The following ZFYVE16 variants were observed in gnomAD, a reference collection of about 807,000 sequenced individuals.
ZFYVE16 encodes the protein zinc finger FYVE domain-containing protein 16.
In ZFYVE16, 89 loss-of-function variants were observed where a neutral mutation model predicts 138.1. That is an observed-to-expected ratio of 0.64 (90% confidence interval 0.54 to 0.77). ZFYVE16 has a LOEUF of 0.77. ZFYVE16 is among the 30% of genes least tolerant of loss of function. The pLI is 0.00. For synonymous variants in ZFYVE16, 596 were observed against 618.3 expected (o/e 0.96, Z 0.53); for missense variants, 1,793 against 1,786.7 (o/e 1.00, Z -0.06).
rs1439267709 is a variant in ZFYVE16 at position 80,481,200 on chromosome 5, C to A, written c.*3823C>A. Among the ~76,000 whole-genome samples the A allele has an allele frequency of 1.3e-5, 2 of 152,100 alleles. No individual in the cohort carries two copies. Among genetic ancestry groups the A allele is most frequent in the African/African-American group, 4.8e-5 (2 of 41,392 alleles). ...AAAGAGGTATCACTCTTCTCTTCCC[C>A]CTGGTGCACTAGTGGCAGACATTGC... On this transcript the variant is annotated 3_prime_UTR_variant, in exon 19 of 19. Transcript: ENST00000505560.
chr5:80,417,331 C>T (rs940710082), intron 1 of ZFYVE16, among the ~76,000 whole-genome samples: 2 of 152,104 alleles, frequency 1.3e-5, no homozygotes, highest in Non-Finnish European at 1.5e-5. Context: ...GACTTTTTGT[C>T]GCAGTCTGCA....
intron 2 of ZFYVE16, among the ~76,000 whole-genome samples, chr5:80,427,914 G>A (rs549072457): frequency 2.9e-5 from 4 of 137,036 alleles, no homozygotes; most frequent in African/African-American, 1.1e-4. Flanking sequence ...GGAGGTTGCA[G>A]TGAGCCAAGA....
Position 80,450,421 on chromosome 5 carries a change from A to G in ZFYVE16, c.3227-10A>G, listed in dbSNP as rs1364773625. ...TTGACATTAATAGTTATATTCTTTT[A>G]TCATCTAAGATTCCTCAGACAAATA... On this transcript the variant is annotated splice_polypyrimidine_tract_variant and intron_variant, in intron 9 of 18. Coordinates refer to ENST00000505560, the MANE Select transcript of ZFYVE16 (RefSeq NM_001284236.3). 1.2e-6 allele frequency: 2 copies of G among 1,611,184 alleles called. No individual in the cohort carries two copies. The highest frequency in any genetic ancestry group is 4.5e-5 in the East Asian group (2 of 44,728).
chr5:80,458,474 T>C (rs963629612), intron 14 of ZFYVE16, among the ~76,000 whole-genome samples: 14 of 152,224 alleles, frequency 9.2e-5, no homozygotes, highest in Admixed American at 2.0e-4. Context: ...CAAGTCATAA[T>C]ATTTGCTCCA....
rs1022769624 is a variant in ZFYVE16, at chr5:80,445,392, C to G, written c.2711C>G (p.Pro904Arg). The G allele has an allele frequency of 1.2e-6, 2 of 1,612,558 alleles. No individual in the cohort carries two copies. Among genetic ancestry groups the G allele is most frequent in the African/African-American group, 2.7e-5 (2 of 74,796 alleles). The change falls in exon 7 of 19, where the codon CCT (proline) becomes CGT (arginine). Residue 904 changes from proline to arginine, a missense_variant. By Grantham distance (103) the Pro-to-Arg change is moderately radical. Coordinates refer to ENST00000505560, the MANE Select transcript of ZFYVE16 (RefSeq NM_001284236.3). ...RCSEDFSPLS[P>R]DVPMTVNTVD... ...TCTGAAGACTTTAGTCCTCTCTCAC[C>G]TGATGTGCCTATGGTAAGGAATTCA...
chr5:80,441,410 C>A (rs1050217803), intron 5 of ZFYVE16: 1 of 985,102 alleles, frequency 1.0e-6, no homozygotes, highest in Non-Finnish European at 1.2e-6. Context: ...TGTTCAAATT[C>A]TATTTTGATG....
chr5:80,411,789 C>G (rs1745494155), intron 1 of ZFYVE16: 1 of 152,154 alleles, frequency 6.6e-6, no homozygotes, highest in African/African-American at 2.4e-5. Context: ...TCAAACAGTC[C>G]AAACGTGAAC....
intron 8 of ZFYVE16, among the ~76,000 whole-genome samples, chr5:80,449,132 T>A (rs1357525555): frequency 1.3e-5 from 2 of 149,460 alleles, no homozygotes; most frequent in African/African-American, 4.9e-5. Flanking sequence ...GTCAAGATCT[T>A]TTTTTTTTTG....
intron 15 of ZFYVE16, among the ~76,000 whole-genome samples, chr5:80,470,089 G>A (rs1490184193): frequency 1.7e-3 from 113 of 68,186 alleles, no homozygotes; most frequent in East Asian, 7.4e-3. Context: ...GTGTGTGTGT[G>A]TGTGTGTGTG....
chr5:80,470,795 G>A (rs1754287932), intron 15 of ZFYVE16, among the ~76,000 whole-genome samples: 1 of 151,932 alleles, frequency 6.6e-6, no homozygotes, highest in African/African-American at 2.4e-5. Context: ...ACAGTTGTGA[G>A]CCACCACACC....
chr5:80,437,044 G>T lies in ZFYVE16; in HGVS notation c.359G>T (p.Gly120Val), dbSNP rs1349819801. Residue 120 changes from glycine to valine, a missense_variant, in exon 4 of 19, where the codon GGA becomes GTA. Transcript: ENST00000505560. ...GATGAAATCCAGCCGTTATATATGG[G>T]ACGATGTAGTAAACCTATCTGTGAT... ...TSDEIQPLYM[G>V]RCSKPICDLI... 1.9e-6 allele frequency: 3 copies of T among 1,614,168 alleles called. No homozygotes were observed. The highest frequency in any genetic ancestry group is 1.3e-5 in the African/African-American group (1 of 75,060).
At chr5:80,420,251 C>T (rs1337118606) in intron 1 of ZFYVE16, among the ~76,000 whole-genome samples, 4 of 151,902 alleles carry the variant, frequency 2.6e-5, no homozygotes, top group South Asian at 2.1e-4. Flanking sequence ...GGATTATAGG[C>T]GTGTACCACC....
intron 5 of ZFYVE16, chr5:80,441,367 G>GAAA (rs1750690710): frequency 1.0e-6 from 1 of 985,256 alleles, no homozygotes; most frequent in African/African-American, 1.7e-5. Context: ...GTTTATCAAA[G>GAAA]AAAATACTGT....
chr5:80,455,497 G>A lies in ZFYVE16; in HGVS notation c.3608-195G>A. 1.9e-5 allele frequency: 10 copies of A among 521,164 alleles called. No individual in the cohort carries two copies. In the South Asian group the frequency reaches 2.0e-4, roughly 10 times the overall value. 32.3% of individuals were successfully genotyped at this position (521,164 alleles called of 1,614,324 possible). ...TGCAATGAGTCGAGATTGCACCGCTGCACTCCAGCCTGGGCAACAGAGTGA... is the reference window on the plus strand; with the variant it reads ...TGCAATGAGTCGAGATTGCACCGCTACACTCCAGCCTGGGCAACAGAGTGA... On this transcript the variant is annotated intron_variant, in intron 11 of 18. Coordinates refer to ENST00000505560, the MANE Select transcript of ZFYVE16 (RefSeq NM_001284236.3).
At chr5:80,465,125 C>G (rs1008657142) in intron 15 of ZFYVE16, among the ~76,000 whole-genome samples, 1 of 151,976 alleles carries the variant, frequency 6.6e-6, no homozygotes, top group South Asian at 2.1e-4. Context: ...GTTACCTTAC[C>G]TATTCTCTTA....
chr5:80,434,156 T>C lies in ZFYVE16; in HGVS notation c.9T>C (p.Ser3=). ...ATAAGTCTGCAGGTAGGATGGACAGTTATTTTAAAGCAGCTGTCAGTGACT... is the reference window on the plus strand; with the variant it reads ...ATAAGTCTGCAGGTAGGATGGACAGCTATTTTAAAGCAGCTGTCAGTGACT... MD[S]YFKAAVSDLD... The change falls in exon 3 of 19, where the codon AGT becomes AGC. Residue 3 remains serine (S), a synonymous_variant. Coordinates refer to ENST00000505560, the MANE Select transcript of ZFYVE16 (RefSeq NM_001284236.3). 1.2e-6 allele frequency: 2 copies of C among 1,613,294 alleles called. No individual in the cohort carries two copies. Among genetic ancestry groups the C allele is most frequent in the Non-Finnish European group, 1.7e-6 (2 of 1,179,488 alleles).
intron 17 of ZFYVE16, 26 bp downstream of exon 17, chr5:80,473,885 CATGCTGTGTTTCA>C: frequency 6.5e-7 from 1 of 1,550,144 alleles, no homozygotes; most frequent in Non-Finnish European, 8.9e-7. Flanking sequence ...GGTCCCTTTA[CATGCTGTGTTTCA>C]ATATGATTTT....
chr5:80,443,388 C>A, intron 6 of ZFYVE16, 104 bp downstream of exon 6: 1 of 1,302,416 alleles, frequency 7.7e-7, no homozygotes, highest in Non-Finnish European at 1.1e-6. Flanking sequence ...GACTAGGTAT[C>A]AAGAGAGATT....
intron 7 of ZFYVE16, among the ~76,000 whole-genome samples, chr5:80,445,889 G>T (rs1441462226): frequency 1.3e-5 from 2 of 148,312 alleles, no homozygotes; most frequent in African/African-American, 5.0e-5. Context: ...CACCACACCT[G>T]GCAGATTTTA....
Sources: allele counts gnomAD v4.1 joint callset (sites outside exome capture counted in the v4.1 genomes callset), GRCh38; gene constraint gnomAD v4.1.1; transcripts MANE v1.5; gene names NCBI Gene and HGNC (gene_info 2026-07-23, HGNC 2026-07-21).